The following ATG7 variants were observed in gnomAD, a reference collection of about 807,000 sequenced individuals.
ATG7 encodes autophagy related 7.
Under a neutral mutation model 82.4 loss-of-function variants are expected in ATG7, and 70 were observed. That is an observed-to-expected ratio of 0.85 (90% CI 0.70 to 1.04). ATG7 has a LOEUF of 1.04. Among genes scored for constraint, ATG7 ranks in the 50% least tolerant of loss-of-function variants. ATG7 has a pLI of 0.00. For missense variants in ATG7, 792 were observed against 864.3 expected (o/e 0.92, Z 1.05); for synonymous variants, 287 against 313.0 (o/e 0.92, Z 0.88).
intron 19 of ATG7, among the ~76,000 whole-genome samples, chr3:11,400,618 C>T (rs1385842073): frequency 6.6e-6 from 1 of 152,054 alleles, no homozygotes; most frequent in Non-Finnish European, 1.5e-5. Context: ...CCCCCCACCC[C>T]AAAATACTGC....
chr3:11,293,569 C>T (rs963708491), intron 3 of ATG7, among the ~76,000 whole-genome samples: 20 of 150,810 alleles, frequency 1.3e-4, no homozygotes, highest in African/African-American at 4.1e-4. Context: ...AATGACTGGC[C>T]GGGCGGGGTG....
intron 20 of ATG7, among the ~76,000 whole-genome samples, chr3:11,484,412 AC>A (rs2089379058): frequency 1.3e-5 from 2 of 152,156 alleles, no homozygotes; most frequent in Non-Finnish European, 2.9e-5. Flanking sequence ...AAACAAACAA[AC>A]AAAAAAACCA....
intron 14 of ATG7, 184 bp downstream of exon 14, chr3:11,348,219 G>GTATGAGCCAC: frequency 1.3e-6 from 1 of 782,782 alleles, no homozygotes; most frequent in Non-Finnish European, 1.9e-6. Context: ...ACCAGGTCAG[G>GTATGAGCCAC]CATGGTGGCT....
At chr3:11,564,715 A>T in the ATG7 span, 1 of 1,355,150 alleles carries the variant, frequency 7.4e-7, no homozygotes, top group Non-Finnish European at 9.8e-7. Flanking sequence ...CCGCCCTCGG[A>T]GTCCTCTGCT....
At chr3:11,307,248 G>A (rs1169180049) in intron 6 of ATG7, among the ~76,000 whole-genome samples, 188 bp downstream of exon 6, 1 of 152,200 alleles carries the variant, frequency 6.6e-6, no homozygotes, top group African/African-American at 2.4e-5. Context: ...TGGCAGGAAG[G>A]TCAGGGAGAG....
At chr3:11,416,873 A>G (rs1369582654) in intron 19 of ATG7, among the ~76,000 whole-genome samples, 1 of 152,178 alleles carries the variant, frequency 6.6e-6, no homozygotes, top group Non-Finnish European at 1.5e-5. Context: ...CTTTCCCTGC[A>G]TCTCATGAAT....
chr3:11,567,742 C>T, the ATG7 span, among the ~76,000 whole-genome samples: 2 of 152,226 alleles, frequency 1.3e-5, no homozygotes, highest in African/African-American at 4.8e-5. Flanking sequence ...TCTACCTAAA[C>T]GGGACTTGGT....
At chr3:11,334,779 G>A (rs1209138145) in intron 11 of ATG7, among the ~76,000 whole-genome samples, 1 of 151,080 alleles carries the variant, frequency 6.6e-6, no homozygotes, top group Non-Finnish European at 1.5e-5. Flanking sequence ...CCGATATGGC[G>A]AAACCCCGTC....
In ATG7 at chr3:11,360,801, A is replaced by G. The variant is rs374043311; in HGVS notation, c.1683+17A>G. 57 of 1,613,156 alleles carry G rather than the reference A, an allele frequency of 3.5e-5. No individual in the cohort carries two copies. Among genetic ancestry groups the G allele is most frequent in the Admixed American group, 1.0e-4 (6 of 59,972 alleles). On this transcript the variant is annotated intron_variant, in intron 16 of 20. Coordinates refer to ENST00000693202, the MANE Select transcript of ATG7 (RefSeq NM_001349232.2). ...CCAGGAGATGTAAGTGGATTTCTCT[A>G]TAGTTCCAAATATTTCCTATCACCA... is the stretch of plus-strand genomic sequence containing the variant.
At chr3:11,531,444 C>A (rs1017694392) in intron 20 of ATG7, among the ~76,000 whole-genome samples, 2 of 152,186 alleles carry the variant, frequency 1.3e-5, no homozygotes, top group Admixed American at 6.5e-5. Context: ...CCACCACCCC[C>A]TGTGTGCCAG....
At chr3:11,486,522 C>A in intron 20 of ATG7, among the ~76,000 whole-genome samples, 1 of 150,848 alleles carries the variant, frequency 6.6e-6, no homozygotes, top group Non-Finnish European at 1.5e-5. Flanking sequence ...AATTGAATAC[C>A]CTTTATTTCC....
chr3:11,411,619 C>CAAA (rs71055868), intron 19 of ATG7, among the ~76,000 whole-genome samples: 34 of 71,752 alleles, frequency 4.7e-4, no homozygotes, highest in African/African-American at 1.4e-3. Context: ...ACTCTGTCTC[C>CAAA]AAAAAAAAAA....
intron 14 of ATG7, among the ~76,000 whole-genome samples, chr3:11,354,089 C>T (rs544658797): frequency 1.3e-5 from 2 of 152,086 alleles, no homozygotes; most frequent in South Asian, 2.1e-4. Context: ...GTATTCTGGC[C>T]CCAGACCTTC....
intron 20 of ATG7, among the ~76,000 whole-genome samples, chr3:11,547,509 G>A (rs149197625): frequency 7.2e-5 from 11 of 152,260 alleles, no homozygotes; most frequent in South Asian, 2.1e-4. Flanking sequence ...ATGTGGACAC[G>A]TTGTCATTTC....
chr3:11,382,918 C>G (rs201957165), intron 19 of ATG7, among the ~76,000 whole-genome samples: 2 of 152,180 alleles, frequency 1.3e-5, no homozygotes, highest in East Asian at 3.9e-4. Flanking sequence ...CTGTCGTCCT[C>G]CAATCCCTCC....
the ATG7 span, among the ~76,000 whole-genome samples, chr3:11,573,062 AG>A: frequency 2.0e-5 from 3 of 151,766 alleles, no homozygotes; most frequent in Non-Finnish European, 2.9e-5. Flanking sequence ...GCTACTCCAG[AG>A]GCTGAGGGAG....
intron 19 of ATG7, among the ~76,000 whole-genome samples, chr3:11,421,335 C>T (rs946950137): frequency 1.3e-5 from 2 of 152,190 alleles, no homozygotes; most frequent in African/African-American, 4.8e-5. Context: ...GAGTTGTCCT[C>T]TCAAATGCTG....
chr3:11,273,955 A>T (rs765381356), intron 1 of ATG7, among the ~76,000 whole-genome samples: 1 of 152,154 alleles, frequency 6.6e-6, no homozygotes, highest in African/African-American at 2.4e-5. Context: ...GGAATGGCTC[A>T]TGTTGCTAAA....
intron 20 of ATG7, among the ~76,000 whole-genome samples, chr3:11,516,471 A>G (rs113505182): frequency 1.3e-4 from 20 of 152,374 alleles, no homozygotes; most frequent in African/African-American, 4.3e-4. Flanking sequence ...AATGTGGAGC[A>G]ACAGAAACTC....
Sources: allele counts gnomAD v4.1 joint callset (sites outside exome capture counted in the v4.1 genomes callset), GRCh38; gene constraint gnomAD v4.1.1; transcripts MANE v1.5; gene names NCBI Gene and HGNC (gene_info 2026-07-23, HGNC 2026-07-21).